The following DGKD variants were observed in gnomAD, a reference collection of about 807,000 sequenced individuals.
DGKD encodes diacylglycerol kinase delta, also known as DAG kinase delta.
A neutral mutation model predicts 154.4 loss-of-function variants in DGKD; 68 were observed. The observed-to-expected ratio is 0.44, with a 90% CI of 0.36 to 0.54. The LOEUF is 0.54. Among genes scored for constraint, DGKD ranks in the 20% least tolerant of loss-of-function variants. The pLI is 0.00. For missense variants in DGKD, 1,343 were observed against 1,593.6 expected (o/e 0.84, Z 2.68); for synonymous variants, 693 against 638.0 (o/e 1.09, Z -1.30).
At chr2:233,389,293 G>C (rs764815174) in intron 2 of DGKD, among the ~76,000 whole-genome samples, 11 of 152,222 alleles carry the variant, frequency 7.2e-5, no homozygotes, top group South Asian at 2.1e-4. Context: ...GAAGCACCAG[G>C]TGGGTGCTGC....
intron 12 of DGKD, chr2:233,447,876 A>G (rs1481228664): frequency 3.6e-6 from 5 of 1,397,634 alleles, no homozygotes; most frequent in African/African-American, 1.5e-5. Context: ...CAGCTTGACG[A>G]AGCTTTTAAA....
chr2:233,408,246 T>A (rs2061735217), intron 3 of DGKD, among the ~76,000 whole-genome samples: 1 of 152,208 alleles, frequency 6.6e-6, no homozygotes, highest in Non-Finnish European at 1.5e-5. Flanking sequence ...TTCACCATGT[T>A]GGCCAGGCTG....
At chr2:233,418,806 C>G (rs1364231966) in intron 3 of DGKD, among the ~76,000 whole-genome samples, 2 of 152,110 alleles carry the variant, frequency 1.3e-5, no homozygotes, top group African/African-American at 4.8e-5. Flanking sequence ...GGCCCACGTT[C>G]CCTTTTAGGT....
chr2:233,419,436 G>A, intron 3 of DGKD: 1 of 985,668 alleles, frequency 1.0e-6, no homozygotes, highest in South Asian at 4.7e-5. Flanking sequence ...GAGCCCCAGG[G>A]GACAGTGTGC....
In DGKD at chr2:233,439,767, T is replaced by C. The variant is rs148587185; in HGVS notation, c.1085+1388T>C. ...TGTTTTGTTGAGCCTCACAAAACTT[T>C]TAAAATGTTTTGTAGAGTGGTCTCA... On this transcript the variant is annotated intron_variant, in intron 9 of 29. Coordinates refer to ENST00000264057, the MANE Select transcript of DGKD (RefSeq NM_152879.3). 2.0e-5 allele frequency among the ~76,000 whole-genome samples: 3 copies of C among 152,212 alleles called. No homozygotes were observed. The East Asian group carries it at 5.8e-4, about 29-fold the overall frequency.
chr2:233,406,832 G>A (rs767788478), intron 3 of DGKD, among the ~76,000 whole-genome samples: 4 of 152,096 alleles, frequency 2.6e-5, no homozygotes, highest in Non-Finnish European at 5.9e-5. Context: ...TTAGTTATGT[G>A]CTCATACCGT....
In DGKD at chr2:233,418,793, T is replaced by C. The variant is rs148672148; in HGVS notation, c.349-15587T>C. On this transcript the variant is annotated intron_variant, in intron 3 of 29. Coordinates refer to ENST00000264057, the MANE Select transcript of DGKD (RefSeq NM_152879.3). ...AGGAGAGGAAGTGCATGACAGCTGT[T>C]TGGGCCCACGTTCCCTTTTAGGTTG... 1.6e-3 allele frequency among the ~76,000 whole-genome samples: 237 copies of C among 151,882 alleles called. 1 individual carries two copies. Among genetic ancestry groups the C allele is most frequent in the African/African-American group, 5.4e-3 (225 of 41,390 alleles).
rs966833447 is a variant in DGKD, at chr2:233,468,626, C to T, written c.3555+73C>T. ...AGCTCCCTTCTCTTCCATCCTCTCC[C>T]CCGACCTGGCCATGTCCCAGCATCA... On this transcript the variant is annotated intron_variant, in intron 29 of 29. Coordinates refer to ENST00000264057, the MANE Select transcript of DGKD (RefSeq NM_152879.3). 12 of 1,590,614 alleles carry T rather than the reference C, an allele frequency of 7.5e-6. No homozygotes were observed. The African/African-American group carries it at 9.4e-5, about 12-fold the overall frequency.
rs76244059 is a variant in DGKD at position 233,376,996 on chromosome 2, A to G, written c.157-11261A>G. Among the ~76,000 whole-genome samples, 1,439 of 144,548 alleles carry G rather than the reference A, an allele frequency of 1.0e-2. 13 individuals carry two copies. Among genetic ancestry groups the G allele is most frequent in the East Asian group, 0.029 (149 of 5,136 alleles). The allele number at this position is 144,548 out of a possible 152,430, so 94.8% of individuals were successfully genotyped here. ...TAATCCTTCCATTGTTTCTTTTTGG[A>G]AAAAAAAAACTAAGTTTATCTTCTT... is the stretch of plus-strand genomic sequence containing the variant. On this transcript the variant is annotated intron_variant, in intron 1 of 29. Coordinates refer to ENST00000264057, the MANE Select transcript of DGKD (RefSeq NM_152879.3).
rs1483768052 is a variant in DGKD, at chr2:233,440,850, G to A, written c.1086-1037G>A. ...GGGTGTCAAGGTGACTGAGGCTCCT[G>A]TGGGACTCTGCGAGAGCACGGTGGT... is the stretch of plus-strand genomic sequence containing the variant. On this transcript the variant is annotated intron_variant, in intron 9 of 29. Coordinates refer to ENST00000264057, the MANE Select transcript of DGKD (RefSeq NM_152879.3). This position sits in a 1 kb window ranked among gnomAD's most constrained non-coding sequence, Gnocchi z 4.9. 6.6e-6 allele frequency among the ~76,000 whole-genome samples: 1 copy of A among 152,210 alleles called. No homozygotes were observed. The highest frequency in any genetic ancestry group is 1.5e-5 in the Non-Finnish European group (1 of 68,030).
chr2:233,463,217 C>T (rs73995981), intron 26 of DGKD, among the ~76,000 whole-genome samples: 7,350 of 152,134 alleles, frequency 0.048, 443 homozygotes, highest in African/African-American at 0.14. Context: ...ACTGGAGAAC[C>T]GCCCCAGGTG....
intron 1 of DGKD, among the ~76,000 whole-genome samples, chr2:233,355,090 A>AC (rs987258479): frequency 3.0e-4 from 45 of 152,044 alleles, no homozygotes; most frequent in Non-Finnish European, 6.3e-4. Flanking sequence ...CCGGTTCTGC[A>AC]CGTTTCTCAG....
At chr2:233,439,851 T>C (rs2062830003) in intron 9 of DGKD, among the ~76,000 whole-genome samples, 1 of 152,158 alleles carries the variant, frequency 6.6e-6, no homozygotes, top group South Asian at 2.1e-4. Flanking sequence ...TGCCTCAGCC[T>C]CTCAAGAGTG....
chr2:233,443,958 C>T (rs748692836), intron 10 of DGKD, among the ~76,000 whole-genome samples: 6 of 152,154 alleles, frequency 3.9e-5, no homozygotes, highest in Admixed American at 2.0e-4. Flanking sequence ...TGCTACTGCT[C>T]CATGGTGGCC....
At chr2:233,436,082 G>A (rs1214371164) in intron 6 of DGKD, among the ~76,000 whole-genome samples, 158 bp downstream of exon 6, 1 of 152,184 alleles carries the variant, frequency 6.6e-6, no homozygotes, top group Non-Finnish European at 1.5e-5. Context: ...GTCTCCGTGT[G>A]GTTGTCGCAC....
chr2:233,399,135 T>A (rs558943269), intron 3 of DGKD, among the ~76,000 whole-genome samples: 21 of 152,384 alleles, frequency 1.4e-4, no homozygotes, highest in African/African-American at 4.3e-4. Context: ...AGCAGTGGGC[T>A]TTATTCTCAC....
At position 233,357,592 on chromosome 2, in the gene DGKD, C is replaced by T. The variant is rs555729021; in HGVS notation, c.156+2918C>T. Among the ~76,000 whole-genome samples the T allele has an allele frequency of 2.1e-5, 3 of 145,616 alleles. No individual in the cohort carries two copies. In the South Asian group the frequency reaches 6.4e-4, roughly 31 times the overall value. On this transcript the variant is annotated intron_variant, in intron 1 of 29. Transcript: ENST00000264057. Reference sequence around the variant, plus strand: ...TCACTTTGTCACCCAGGCTGGAGTGCAGTGGTGCGATCTCAGCTACGGCAA... The same window carrying T: ...TCACTTTGTCACCCAGGCTGGAGTGTAGTGGTGCGATCTCAGCTACGGCAA...
chr2:233,369,238 C>T (rs984878465), intron 1 of DGKD, among the ~76,000 whole-genome samples: 2 of 152,194 alleles, frequency 1.3e-5, no homozygotes, highest in African/African-American at 2.4e-5. Context: ...CTGTATCCAT[C>T]AGCATTCTGG....
chr2:233,449,061 C>G lies in DGKD; in HGVS notation c.1615-42C>G. ...AGGTTCCCTGCCTGCAGACCCTGTT[C>G]TCCTGCCTCAGCTCTGCATGCCATT... On this transcript the variant is annotated intron_variant, in intron 14 of 29. Transcript: ENST00000264057. This position sits in a 1 kb window ranked among gnomAD's most constrained non-coding sequence, Gnocchi z 5.3. 6.5e-7 allele frequency: 1 copy of G among 1,546,872 alleles called. No homozygotes were observed. The highest frequency in any genetic ancestry group is 8.8e-7 in the Non-Finnish European group (1 of 1,141,394).
Sources: allele counts gnomAD v4.1 joint callset (sites outside exome capture counted in the v4.1 genomes callset), GRCh38; gene constraint gnomAD v4.1.1; non-coding constraint Gnocchi (gnomAD v3.1); transcripts MANE v1.5; gene names NCBI Gene and HGNC (gene_info 2026-07-23, HGNC 2026-07-21).